GPC6: variants seen among roughly 807,000 people sequenced by gnomAD.
The protein encoded by GPC6 is glypican-6.
A neutral mutation model predicts 55.2 loss-of-function variants in GPC6; 14 were observed. That is an observed-to-expected ratio of 0.25 (90% CI 0.17 to 0.40). The LOEUF (loss-of-function observed/expected upper bound fraction) is 0.40. Ranked by LOEUF, GPC6 falls within the 10% of genes least tolerant of loss-of-function variation. GPC6 has a pLI of 1.00. For missense variants in GPC6, 641 were observed against 708.5 expected (o/e 0.90, Z 1.08); for synonymous variants, 278 against 259.6 (o/e 1.07, Z -0.68).
intron 4 of GPC6, among the ~76,000 whole-genome samples, chr13:94,146,434 A>G (rs977391925): frequency 2.0e-5 from 3 of 152,156 alleles, no homozygotes; most frequent in African/African-American, 7.2e-5. Flanking sequence ...AACAATTATT[A>G]TTAATACCTT....
chr13:93,839,481 A>G (rs541867268), intron 3 of GPC6, among the ~76,000 whole-genome samples: 4 of 152,174 alleles, frequency 2.6e-5, no homozygotes, highest in Admixed American at 2.6e-4. Context: ...TTGGTTTTTA[A>G]TTCTGTTTAT....
At chr13:93,952,445 T>A (rs1381751372) in intron 3 of GPC6, among the ~76,000 whole-genome samples, 1 of 152,120 alleles carries the variant, frequency 6.6e-6, no homozygotes, top group Non-Finnish European at 1.5e-5. Flanking sequence ...TGAGTTTTAA[T>A]TTCCTTATAT....
At chr13:93,387,924 C>G (rs1195793969) in intron 1 of GPC6, among the ~76,000 whole-genome samples, 1 of 152,068 alleles carries the variant, frequency 6.6e-6, no homozygotes, top group Non-Finnish European at 1.5e-5. Context: ...TTTATACTAA[C>G]AATTTTAGTT....
intron 4 of GPC6, among the ~76,000 whole-genome samples, chr13:94,047,200 A>C (rs1037537389): frequency 3.3e-5 from 5 of 152,114 alleles, no homozygotes; most frequent in African/African-American, 1.2e-4. Flanking sequence ...AAATCAGGAA[A>C]ACAGCACTAA....
chr13:93,247,226 T>C (rs1043530072), intron 1 of GPC6, among the ~76,000 whole-genome samples: 6 of 152,268 alleles, frequency 3.9e-5, no homozygotes, highest in African/African-American at 1.4e-4. Flanking sequence ...CTACAAGCTA[T>C]ATTAAAAATC....
chr13:93,306,037 T>G (rs1878845798), intron 1 of GPC6, among the ~76,000 whole-genome samples: 1 of 152,214 alleles, frequency 6.6e-6, no homozygotes, highest in Admixed American at 6.5e-5. Context: ...TCAGTACAAA[T>G]TATGTTTAGA....
intron 6 of GPC6, among the ~76,000 whole-genome samples, chr13:94,314,777 T>C (rs548082106): frequency 6.6e-6 from 1 of 152,358 alleles, no homozygotes; most frequent in African/African-American, 2.4e-5. Flanking sequence ...AATAGGATAT[T>C]TCATAAATAC....
intron 2 of GPC6, among the ~76,000 whole-genome samples, chr13:93,752,109 G>C (rs1019570433): frequency 2.0e-5 from 3 of 152,090 alleles, no homozygotes; most frequent in Admixed American, 6.6e-5. Flanking sequence ...TTGTGATTTG[G>C]ATTCTAGGAG....
chr13:93,451,275 T>C (rs1238018354), intron 1 of GPC6, among the ~76,000 whole-genome samples: 1 of 152,244 alleles, frequency 6.6e-6, no homozygotes, highest in East Asian at 1.9e-4. Context: ...TTGCAAATCT[T>C]TGAGCTGAGA....
chr13:93,453,892 C>T (rs897117289), intron 1 of GPC6, among the ~76,000 whole-genome samples: 2 of 152,194 alleles, frequency 1.3e-5, no homozygotes, highest in Non-Finnish European at 1.5e-5. Flanking sequence ...GGGACCTGAG[C>T]GGGCTGCCAC....
intron 3 of GPC6, among the ~76,000 whole-genome samples, chr13:93,977,557 A>G (rs1880583089): frequency 7.4e-6 from 1 of 134,622 alleles, no homozygotes; most frequent in Non-Finnish European, 1.6e-5. Context: ...ATATGTGCTG[A>G]TTTTTTTCCT....
chr13:93,653,581 T>C (rs1880517744), intron 2 of GPC6, among the ~76,000 whole-genome samples: 1 of 112,510 alleles, frequency 8.9e-6, no homozygotes, highest in Admixed American at 8.3e-5. Flanking sequence ...TGGCCGTGTG[T>C]GTGTGTGTGT....
intron 5 of GPC6, among the ~76,000 whole-genome samples, chr13:94,289,784 A>G (rs1429774337): frequency 6.6e-6 from 1 of 152,232 alleles, no homozygotes; most frequent in Non-Finnish European, 1.5e-5. Context: ...TAAGTTCTTA[A>G]TATATACTAA....
At chr13:94,335,463 G>A (rs1485199482) in intron 6 of GPC6, among the ~76,000 whole-genome samples, 1 of 152,006 alleles carries the variant, frequency 6.6e-6, no homozygotes, top group Non-Finnish European at 1.5e-5. Flanking sequence ...AAGGTCCAGA[G>A]ACCTTTACGA....
At chr13:93,401,572 T>C (rs1646220597) in intron 1 of GPC6, among the ~76,000 whole-genome samples, 1 of 151,850 alleles carries the variant, frequency 6.6e-6, no homozygotes, top group Non-Finnish European at 1.5e-5. Flanking sequence ...TCTACTCTCT[T>C]ACACAGTGTG....
intron 2 of GPC6, among the ~76,000 whole-genome samples, chr13:93,743,155 C>T (rs1427385690): frequency 6.6e-6 from 1 of 152,100 alleles, no homozygotes; most frequent in African/African-American, 2.4e-5. Flanking sequence ...ATAGAGACTG[C>T]AGGTAGAGAG....
At chr13:93,669,585 G>A (rs1881277977) in intron 2 of GPC6, among the ~76,000 whole-genome samples, 1 of 152,176 alleles carries the variant, frequency 6.6e-6, no homozygotes, top group African/African-American at 2.4e-5. Flanking sequence ...CAAGACAGGT[G>A]CATTGGGTGC....
chr13:93,587,856 C>A (rs558291689), intron 2 of GPC6, among the ~76,000 whole-genome samples: 2 of 152,250 alleles, frequency 1.3e-5, no homozygotes, highest in Non-Finnish European at 2.9e-5. Context: ...ACACATAATG[C>A]GTTTCGAAAT....
intron 3 of GPC6, among the ~76,000 whole-genome samples, chr13:93,979,142 C>T (rs1208595016): frequency 1.3e-5 from 2 of 152,174 alleles, no homozygotes; most frequent in African/African-American, 4.8e-5. Flanking sequence ...TGTATCTACA[C>T]TCTCCAATAT....
Sources: allele counts gnomAD v4.1 joint callset (sites outside exome capture counted in the v4.1 genomes callset), GRCh38; gene constraint gnomAD v4.1.1; transcripts MANE v1.5; gene names NCBI Gene and HGNC (gene_info 2026-07-23, HGNC 2026-07-21).